ARHGEF10: variants seen among roughly 807,000 people sequenced by gnomAD.
ARHGEF10 encodes Rho guanine nucleotide exchange factor (GEF) 10.
In ARHGEF10, 140 loss-of-function variants were observed where a neutral mutation model predicts 147.4. The ratio of observed to expected loss-of-function variants is 0.95; its 90% CI spans 0.83 to 1.09. The LOEUF is 1.09. Ranked by LOEUF, ARHGEF10 falls within the 50% of genes least tolerant of loss-of-function variation. The probability of loss-of-function intolerance (pLI) is 0.00; values close to 1 mark genes in which losing one functional copy is unlikely to be tolerated. For missense variants in ARHGEF10, 2,222 were observed against 1,752.7 expected (o/e 1.27, Z -4.78); for synonymous variants, 902 against 695.8 (o/e 1.30, Z -4.67).
rs1251201874 is a variant in ARHGEF10, at chr8:1,926,431, G to C, written c.2665G>C (p.Asp889His). Residue 889 changes from aspartate (D) to histidine (H), a missense_variant, in exon 23 of 29, where the codon GAT becomes CAT. Physicochemically the swap from Asp to His is moderately conservative, Grantham distance 81 (BLOSUM62 -1). Transcript: ENST00000349830. The stretch of plus-strand genomic sequence containing the variant: ...TTACCTAAATAATGAAAGCCAGCCA[G>C]ATTCATTTTCCACGGCACATGGTTT... The part of the protein sequence containing the change: ...EPYLNNESQP[D>H]SFSTAHGFLW... 1.9e-6 allele frequency: 3 copies of C among 1,614,182 alleles called. No homozygotes were observed. The highest frequency in any genetic ancestry group is 2.5e-6 in the Non-Finnish European group (3 of 1,180,024).
At chr8:1,868,692 A>T (rs2129091858) in intron 6 of ARHGEF10, among the ~76,000 whole-genome samples, 1 of 152,298 alleles carries the variant, frequency 6.6e-6, no homozygotes, top group East Asian at 1.9e-4. Flanking sequence ...TTATGGTGTC[A>T]TTGGTTTATT....
chr8:1,912,763 T>C (rs998318969), intron 18 of ARHGEF10, among the ~76,000 whole-genome samples: 2 of 152,076 alleles, frequency 1.3e-5, no homozygotes, highest in East Asian at 1.9e-4. Context: ...TATGGATCCA[T>C]GGATTGGTTT....
chr8:1,895,620 T>C (rs1809906079), intron 13 of ARHGEF10, among the ~76,000 whole-genome samples: 1 of 152,244 alleles, frequency 6.6e-6, no homozygotes, highest in Non-Finnish European at 1.5e-5. Context: ...GTTCTTTAAA[T>C]ACCTACCTTC....
At chr8:1,944,176 G>C (rs1418571388) in intron 26 of ARHGEF10, among the ~76,000 whole-genome samples, 1 of 149,540 alleles carries the variant, frequency 6.7e-6, no homozygotes, top group Admixed American at 6.6e-5. Context: ...CCAGCTTCCC[G>C]CACCGTGCTA....
rs773682511 is a variant in ARHGEF10 at position 1,957,131 on chromosome 8, C to G, written c.3903C>G (p.Ala1301=). 5 of 1,612,916 alleles carry G rather than the reference C, an allele frequency of 3.1e-6. No individual in the cohort carries two copies. Among genetic ancestry groups the G allele is most frequent in the Non-Finnish European group, 4.2e-6 (5 of 1,180,052 alleles). Residue 1301 remains alanine, a synonymous_variant, in exon 29 of 29, where the codon GCC becomes GCG. Coordinates refer to ENST00000349830, the MANE Select transcript of ARHGEF10 (RefSeq NM_014629.4). Reference sequence around the variant, plus strand: ...GCAAAGCACGCCGGGCCAAGAAAGCCAAGGCCAGCTCGGCGCTGGTGGTCT... The same window carrying G: ...GCAAAGCACGCCGGGCCAAGAAAGCGAAGGCCAGCTCGGCGCTGGTGGTCT... The part of the protein sequence containing the change: ...LRSKARRAKK[A]KASSALVVCG...
chr8:1,893,984 G>C (rs1809760338), intron 12 of ARHGEF10, among the ~76,000 whole-genome samples: 1 of 151,812 alleles, frequency 6.6e-6, no homozygotes, highest in Non-Finnish European at 1.5e-5. Flanking sequence ...GACCAGCCTG[G>C]GCAACACAGT....
chr8:1,841,025 T>A (rs1336738655), intron 1 of ARHGEF10, among the ~76,000 whole-genome samples: 1 of 152,116 alleles, frequency 6.6e-6, no homozygotes, highest in African/African-American at 2.4e-5. Flanking sequence ...TTGCCCCCTC[T>A]CCCGGCCGGT....
intron 18 of ARHGEF10, among the ~76,000 whole-genome samples, chr8:1,919,304 A>C (rs1314393225): frequency 1.7e-5 from 2 of 114,804 alleles, no homozygotes; most frequent in African/African-American, 7.1e-5. Context: ...TTTTATGGGT[A>C]ATGGAGCTGT....
At chr8:1,831,665 C>T (rs1170608500) in intron 1 of ARHGEF10, among the ~76,000 whole-genome samples, 1 of 152,330 alleles carries the variant, frequency 6.6e-6, no homozygotes, top group Non-Finnish European at 1.5e-5. Flanking sequence ...GAAGGCTGCT[C>T]TGTGCTGCTG....
At chr8:1,833,586 C>A (rs145663936) in intron 1 of ARHGEF10, among the ~76,000 whole-genome samples, 1 of 152,158 alleles carries the variant, frequency 6.6e-6, no homozygotes, top group African/African-American at 2.4e-5. Flanking sequence ...CGCCTCCAAG[C>A]CCCCACCCCC....
chr8:1,889,878 T>TTTGTGAGGAGACCCTGAGTGGGGTGAGGG lies in ARHGEF10; in HGVS notation c.1183-3679_1183-3678insCCTGAGTGGGGTGAGGGTTGTGAGGAGAC, dbSNP rs1563239844. 1.4e-3 allele frequency among the ~76,000 whole-genome samples: 179 copies of TTTGTGAGGAGACCCTGAGTGGGGTGAGGG among 125,298 alleles called. 2 individuals are homozygous for TTTGTGAGGAGACCCTGAGTGGGGTGAGGG. The highest frequency in any genetic ancestry group is 5.6e-3 in the African/African-American group (161 of 28,832). The allele number at this position is 125,298 out of a possible 152,430, so 82.2% of individuals were successfully genotyped here. ...GAGGAGACACTGAGTGTGGTGAGGG[T>TTTGTGAGGAGACCCTGAGTGGGGTGAGGG]TTGTGAGGAGACACTGCATGGGGTG... On this transcript the variant is annotated intron_variant, in intron 11 of 28. Coordinates refer to ENST00000349830, the MANE Select transcript of ARHGEF10 (RefSeq NM_014629.4).
chr8:1,833,774 G>T (rs1419581664), intron 1 of ARHGEF10, among the ~76,000 whole-genome samples: 1 of 152,184 alleles, frequency 6.6e-6, no homozygotes, highest in Non-Finnish European at 1.5e-5. Context: ...CCTTCTTTAG[G>T]AAGCCCTCCT....
chr8:1,908,100 A>G (rs1192173311), intron 17 of ARHGEF10, among the ~76,000 whole-genome samples: 1 of 152,004 alleles, frequency 6.6e-6, no homozygotes, highest in South Asian at 2.1e-4. Flanking sequence ...GGATGTCCTC[A>G]TGGAGGGCAG....
upstream of ARHGEF10, among the ~76,000 whole-genome samples, chr8:1,823,600 G>C (rs1004459423): frequency 1.3e-5 from 2 of 152,086 alleles, no homozygotes; most frequent in Non-Finnish European, 2.9e-5. Context: ...CAGGCTCTGC[G>C]GGGAGGATCC....
intron 14 of ARHGEF10, among the ~76,000 whole-genome samples, chr8:1,898,228 G>A (rs540093477): frequency 7.2e-5 from 11 of 152,254 alleles, no homozygotes; most frequent in African/African-American, 1.4e-4. Context: ...GTGTGAGGTC[G>A]GGCCCCTGCA....
chr8:1,888,092 G>T (rs1808864485), intron 11 of ARHGEF10, among the ~76,000 whole-genome samples: 1 of 139,202 alleles, frequency 7.2e-6, no homozygotes, highest in Non-Finnish European at 1.5e-5. Flanking sequence ...ACACTAGGTA[G>T]GGTGAATGTT....
intron 25 of ARHGEF10, among the ~76,000 whole-genome samples, chr8:1,932,536 G>C (rs1445277704): frequency 6.6e-6 from 1 of 152,184 alleles, no homozygotes; most frequent in Non-Finnish European, 1.5e-5. Flanking sequence ...GTGCATGTGT[G>C]TTGTGCATGG....
rs1165726668 is a variant in ARHGEF10, at chr8:1,882,063, G to A, written c.961-572G>A. Reference sequence around the variant, plus strand: ...CCCAGGCCAGGGGGACATGGCTTCCGAGTCTGACATCCGCAGCGTGCTGCA... The same window carrying A: ...CCCAGGCCAGGGGGACATGGCTTCCAAGTCTGACATCCGCAGCGTGCTGCA... On this transcript the variant is annotated intron_variant, in intron 9 of 28. Coordinates refer to ENST00000349830, the MANE Select transcript of ARHGEF10 (RefSeq NM_014629.4). 2.6e-5 allele frequency among the ~76,000 whole-genome samples: 4 copies of A among 152,210 alleles called. No individual in the cohort carries two copies. In the East Asian group the frequency reaches 5.8e-4, roughly 22 times the overall value.
intron 1 of ARHGEF10, among the ~76,000 whole-genome samples, chr8:1,831,546 CCG>C (rs1563146298): frequency 3.6e-4 from 19 of 52,504 alleles, no homozygotes; most frequent in East Asian, 9.1e-4. Flanking sequence ...AGTGTGACGG[CCG>C]TGGAGGGACA....
Sources: allele counts gnomAD v4.1 joint callset (sites outside exome capture counted in the v4.1 genomes callset), GRCh38; gene constraint gnomAD v4.1.1; transcripts MANE v1.5; gene names NCBI Gene and HGNC (gene_info 2026-07-23, HGNC 2026-07-21).